SNX2: variants seen among roughly 807,000 people sequenced by gnomAD.
The protein encoded by SNX2 is sorting nexin 2, also known as sorting nexin-2.
SNX2 carries 25 observed loss-of-function variants against 69.9 expected under a neutral mutation model. The ratio of observed to expected loss-of-function variants is 0.36; its 90% CI spans 0.26 to 0.50. SNX2 has a LOEUF of 0.50. SNX2 is among the 20% of genes least tolerant of loss of function. SNX2 has a pLI of 0.97. For missense variants in SNX2, 551 were observed against 613.3 expected, an observed-to-expected ratio of 0.90 and a Z score of 1.07; for synonymous variants, 229 against 200.4, an observed-to-expected ratio of 1.14 and a Z score of -1.20.
intron 7 of SNX2, among the ~76,000 whole-genome samples, chr5:122,809,876 C>T (rs944687424): frequency 1.3e-5 from 2 of 152,102 alleles, no homozygotes; most frequent in African/African-American, 4.8e-5. Flanking sequence ...TGAGAATCTG[C>T]AGTTACCCAG....
intron 2 of SNX2, among the ~76,000 whole-genome samples, chr5:122,795,938 A>G (rs911459649): frequency 6.6e-6 from 1 of 152,238 alleles, no homozygotes; most frequent in Admixed American, 6.5e-5. Context: ...TATCTGCTTT[A>G]AAATTAAAAT....
chr5:122,829,817 CAT>C lies in SNX2; in HGVS notation c.*170_*171del. 1 of 605,800 alleles carries C rather than the reference CAT, an allele frequency of 1.7e-6. No homozygotes were observed. Among genetic ancestry groups the C allele is most frequent in the South Asian group, 2.0e-5 (1 of 50,136 alleles). The allele number at this position is 605,800 out of a possible 1,614,324, so 37.5% of individuals were successfully genotyped here. On this transcript the variant is annotated 3_prime_UTR_variant, in exon 15 of 15. Coordinates refer to ENST00000379516, the MANE Select transcript of SNX2 (RefSeq NM_003100.4). ...ACACACACACACACACACACTCTGACATTTTATTACAAGCTGCATGTCCTGAC... is the reference window on the plus strand; with the variant it reads ...ACACACACACACACACACACTCTGACTTTATTACAAGCTGCATGTCCTGAC...
intron 7 of SNX2, among the ~76,000 whole-genome samples, chr5:122,811,232 GAA>G (rs994676640): frequency 2.6e-5 from 4 of 152,178 alleles, no homozygotes; most frequent in African/African-American, 9.7e-5. Context: ...GTTAGGAAGA[GAA>G]AAGGAGTGGT....
In SNX2 at chr5:122,833,306, A is replaced by G. The variant is rs367751723; in HGVS notation, c.*3658A>G. 6.6e-6 allele frequency: 1 copy of G among 152,220 alleles called. No homozygotes were observed. The allele number at this position is 152,220 out of a possible 1,614,324, so 9.4% of individuals were successfully genotyped here. ...TTTTCCTGCATTTTTGATGAGGGCC[A>G]TGAAGATAGGTCATGGTAATCTATG... On this transcript the variant is annotated 3_prime_UTR_variant, in exon 15 of 15. Transcript: ENST00000379516.
rs2279093 is a variant in SNX2, at chr5:122,816,827, G to T, written c.799-88G>T. 2.1e-4 allele frequency: 121 copies of T among 572,188 alleles called. No individual in the cohort carries two copies. The East Asian group carries it at 4.1e-3, about 19-fold the overall frequency. 35.4% of individuals were successfully genotyped at this position (572,188 alleles called of 1,614,324 possible). A position where few individuals can be genotyped will look rare whatever the true frequency, so the allele number is the denominator to read the frequency against. On this transcript the variant is annotated intron_variant, in intron 8 of 14. Transcript: ENST00000379516. The stretch of plus-strand genomic sequence containing the variant: ...TTTAAAATTTGTATGTGGGGGGGAG[G>T]GGGGAGGAGGGGGGATCACTTTTGT...
chr5:122,782,353 C>T (rs1220106253), intron 1 of SNX2, among the ~76,000 whole-genome samples: 1 of 151,906 alleles, frequency 6.6e-6, no homozygotes, highest in Non-Finnish European at 1.5e-5. Flanking sequence ...ATTCTCCTGC[C>T]TCGGCCTCCT....
intron 1 of SNX2, among the ~76,000 whole-genome samples, chr5:122,788,827 A>G: frequency 6.6e-6 from 1 of 152,106 alleles, no homozygotes; most frequent in East Asian, 1.9e-4. Context: ...CACTTCAAAT[A>G]TGTTTACCTT....
At chr5:122,804,079 C>T (rs1258263168) in intron 6 of SNX2, among the ~76,000 whole-genome samples, 1 of 151,804 alleles carries the variant, frequency 6.6e-6, no homozygotes, top group Non-Finnish European at 1.5e-5. Context: ...GCGGAGGTTG[C>T]AGTGAGCTGA....
At chr5:122,803,313 GT>G (rs35617924) in intron 5 of SNX2, among the ~76,000 whole-genome samples, 158 bp from the exon 6 acceptor site, 96,216 of 151,246 alleles carry the variant, frequency 0.64, 31,029 homozygotes, top group African/African-American at 0.75. Flanking sequence ...TATGGTTTAG[GT>G]TTTTTTTTTA....
chr5:122,826,213 A>G lies in SNX2; in HGVS notation c.1356+20A>G. On this transcript the variant is annotated intron_variant, in intron 12 of 14. Coordinates refer to ENST00000379516, the MANE Select transcript of SNX2 (RefSeq NM_003100.4). ...AGAGAGGTGATTACTAAATGCTTTA[A>G]TCTCTTTACTTAAGTTTTGCATGAG... 1.3e-6 allele frequency: 2 copies of G among 1,595,624 alleles called. No individual in the cohort carries two copies. Among genetic ancestry groups the G allele is most frequent in the Non-Finnish European group, 8.6e-7 (1 of 1,168,838 alleles).
At chr5:122,811,889 T>G (rs1753786658) in intron 7 of SNX2, among the ~76,000 whole-genome samples, 1 of 151,200 alleles carries the variant, frequency 6.6e-6, no homozygotes, top group African/African-American at 2.4e-5. Flanking sequence ...TGTGTTCATT[T>G]CAAGCATCTA....
chr5:122,816,985 A>G lies in SNX2; in HGVS notation c.869A>G (p.Asp290Gly), dbSNP rs139921480. 6.3e-5 allele frequency: 102 copies of G among 1,613,856 alleles called. No homozygotes were observed. The highest frequency in any genetic ancestry group is 8.5e-5 in the Non-Finnish European group (100 of 1,179,884). Reference protein sequence around the residue: ...GILRMVNKAADAVNKMTIKMN... With the variant: ...GILRMVNKAAGAVNKMTIKMN... ...TTGAGGATGGTGAACAAGGCTGCCG[A>G]CGCTGTCAACAAAATGACAATCAAG... is the stretch of plus-strand genomic sequence containing the variant. Residue 290 changes from aspartate to glycine, a missense_variant, in exon 9 of 15, where the codon GAC becomes GGC. Around this residue, in one of 2 missense-constraint regions of SNX2, gnomAD observed 360 missense variants for 450.4 expected, o/e 0.80. Coordinates refer to ENST00000379516, the MANE Select transcript of SNX2 (RefSeq NM_003100.4).
In SNX2 at chr5:122,815,815, G is replaced by T; in HGVS notation, c.723-81G>T. 1.5e-5 allele frequency: 10 copies of T among 686,108 alleles called. No individual in the cohort carries two copies. The Admixed American group carries it at 1.7e-4, about 12-fold the overall frequency. The allele number at this position is 686,108 out of a possible 1,614,324, so 42.5% of individuals were successfully genotyped here. A position where few individuals can be genotyped will look rare whatever the true frequency, so the allele number is the denominator to read the frequency against. ...GTAGTGAGGACACTTTTTTTTCCTAGTATTTCTATTTTTTTATCATTTTGT... is the reference window on the plus strand; with the variant it reads ...GTAGTGAGGACACTTTTTTTTCCTATTATTTCTATTTTTTTATCATTTTGT... On this transcript the variant is annotated intron_variant, in intron 7 of 14. Coordinates refer to ENST00000379516, the MANE Select transcript of SNX2 (RefSeq NM_003100.4).
At chr5:122,817,398 A>T in intron 10 of SNX2, 25 bp downstream of exon 10, 1 of 1,419,748 alleles carries the variant, frequency 7.0e-7, no homozygotes, top group South Asian at 1.2e-5. Context: ...CTACTTACGT[A>T]GTTAGCACCA....
intron 1 of SNX2, among the ~76,000 whole-genome samples, chr5:122,782,186 T>C (rs1034925656): frequency 6.6e-6 from 1 of 152,186 alleles, no homozygotes; most frequent in African/African-American, 2.4e-5. Context: ...GTACATACCA[T>C]CTGAATATTA....
Position 122,831,605 on chromosome 5 carries a change from A to G in SNX2, c.*1957A>G, listed in dbSNP as rs1754291687. 6.6e-6 allele frequency among the ~76,000 whole-genome samples: 1 copy of G among 152,246 alleles called. No homozygotes were observed. Among genetic ancestry groups the G allele is most frequent in the Admixed American group, 6.5e-5 (1 of 15,280 alleles). On this transcript the variant is annotated 3_prime_UTR_variant, in exon 15 of 15. Transcript: ENST00000379516. Reference sequence around the variant, plus strand: ...TGTTGCTTCTGGGAATACTTTTCAGAAACGAATAATTCATAGTAATATATA... The same window carrying G: ...TGTTGCTTCTGGGAATACTTTTCAGGAACGAATAATTCATAGTAATATATA...
At chr5:122,801,627 T>G (rs2150008210) in intron 3 of SNX2, among the ~76,000 whole-genome samples, 1 of 143,556 alleles carries the variant, frequency 7.0e-6, no homozygotes, top group African/African-American at 2.7e-5. Flanking sequence ...AAAAAAAAAT[T>G]GTTACTTCTC....
At position 122,818,943 on chromosome 5, in the gene SNX2, C is replaced by T. The variant is rs139381831; in HGVS notation, c.1132C>T (p.His378Tyr). The change falls in exon 11 of 15, where the codon CAT (histidine) becomes TAT (tyrosine). Residue 378 changes from histidine to tyrosine, a missense_variant. Coordinates refer to ENST00000379516, the MANE Select transcript of SNX2 (RefSeq NM_003100.4). ...GGTTGAGGAGAAGATAGACCAGTTA[C>T]ATCAAGAACAAGCTTTTGCTGACTT... ...AEVEEKIDQL[H>Y]QEQAFADFYM... The T allele has an allele frequency of 1.8e-5, 29 of 1,613,952 alleles. No homozygotes were observed. In the African/African-American group the frequency reaches 3.7e-4, roughly 21 times the overall value.
In SNX2 at chr5:122,833,122, C is replaced by A. The variant is rs547703977; in HGVS notation, c.*3474C>A. On this transcript the variant is annotated 3_prime_UTR_variant, in exon 15 of 15. Transcript: ENST00000379516. Reference sequence around the variant, plus strand: ...ATAGAATCACCCACCCTCCCTTCGACACACACTTCCTTATGTAAAATCAGA... The same window carrying A: ...ATAGAATCACCCACCCTCCCTTCGAAACACACTTCCTTATGTAAAATCAGA... 2 of 152,188 alleles carry A rather than the reference C, an allele frequency of 1.3e-5. No individual in the cohort carries two copies. The highest frequency in any genetic ancestry group is 3.8e-4 in the East Asian group (2 of 5,202). The allele number at this position is 152,188 out of a possible 1,614,324, so 9.4% of individuals were successfully genotyped here.
Sources: gnomAD v4.1 joint callset for allele counts (sites outside exome capture counted in the v4.1 genomes callset) on GRCh38, gnomAD v4.1.1 for gene constraint, gnomAD v4.1.1 regional missense constraint, MANE v1.5 for transcripts, NCBI Gene and HGNC (gene_info 2026-07-23, HGNC 2026-07-21) for gene names.